PCCB: variants seen among roughly 807,000 people sequenced by gnomAD.
The protein encoded by PCCB is propionyl-CoA carboxylase beta chain, mitochondrial.
A neutral mutation model predicts 60.7 loss-of-function variants in PCCB; 43 were observed. The observed-to-expected ratio is 0.71, with a 90% CI of 0.55 to 0.91. The LOEUF is 0.91. PCCB is among the 40% of genes least tolerant of loss of function. The pLI is 0.00. For missense variants in PCCB, 766 were observed against 702.8 expected, an observed-to-expected ratio of 1.09 and a Z score of -1.02; for synonymous variants, 276 against 255.9, an observed-to-expected ratio of 1.08 and a Z score of -0.75.
chr3:136,291,110 C>G (rs1355512395), intron 6 of PCCB, among the ~76,000 whole-genome samples: 1 of 151,960 alleles, frequency 6.6e-6, no homozygotes, highest in Non-Finnish European at 1.5e-5. Context: ...TTGCTGTCTA[C>G]TCTATCCATG....
rs1040081982 is a variant in PCCB, at chr3:136,290,775, C to T, written c.655-2981C>T. On this transcript the variant is annotated intron_variant, in intron 6 of 14. Coordinates refer to ENST00000251654, the MANE Select transcript of PCCB (RefSeq NM_000532.5). ...TTGGGGAACTTTTCTGTCATTATTG[C>T]TTCCTATATTCTGTTCTTTTTTCTC... is the stretch of plus-strand genomic sequence containing the variant. Among the ~76,000 whole-genome samples, 5 of 140,972 alleles carry T rather than the reference C, an allele frequency of 3.5e-5. No homozygotes were observed. The Admixed American group carries it at 3.8e-4, about 11-fold the overall frequency. 92.5% of individuals were successfully genotyped at this position (140,972 alleles called of 152,430 possible). A position where few individuals can be genotyped will look rare whatever the true frequency, so the allele number is the denominator to read the frequency against.
chr3:136,277,949 CCT>C (rs986076356), intron 5 of PCCB, among the ~76,000 whole-genome samples: 6 of 152,136 alleles, frequency 3.9e-5, no homozygotes, highest in Non-Finnish European at 8.8e-5. Context: ...TCCCCCTGCC[CCT>C]GGGAGGTATG....
At chr3:136,324,221 C>T (rs1935214605) in intron 10 of PCCB, among the ~76,000 whole-genome samples, 1 of 152,128 alleles carries the variant, frequency 6.6e-6, no homozygotes, top group Non-Finnish European at 1.5e-5. Flanking sequence ...GTTAGGATTA[C>T]AGGTGTGAGC....
intron 6 of PCCB, among the ~76,000 whole-genome samples, chr3:136,291,133 C>G (rs1933670000): frequency 6.6e-6 from 1 of 151,960 alleles, no homozygotes; most frequent in African/African-American, 2.4e-5. Context: ...AGCCCTTAAA[C>G]CATTTTGTTT....
intron 5 of PCCB, among the ~76,000 whole-genome samples, chr3:136,265,732 C>T (rs1383343988): frequency 1.3e-5 from 2 of 152,092 alleles, no homozygotes; most frequent in South Asian, 2.1e-4. Context: ...AGATGGTTTT[C>T]CAAAACAACT....
chr3:136,309,173 GA>G (rs1164935029), intron 9 of PCCB, among the ~76,000 whole-genome samples: 2 of 149,918 alleles, frequency 1.3e-5, no homozygotes, highest in Non-Finnish European at 3.0e-5. Context: ...TGAGACAGGA[GA>G]ATCGCTTGAA....
intron 10 of PCCB, among the ~76,000 whole-genome samples, chr3:136,321,168 T>A (rs972304818): frequency 6.6e-6 from 1 of 152,196 alleles, no homozygotes; most frequent in East Asian, 1.9e-4. Flanking sequence ...TAAATCCCAC[T>A]GGATCACAGT....
At position 136,250,547 on chromosome 3, in the gene PCCB, CAGCACA is replaced by C; in HGVS notation, c.176_181del (p.His59_Lys60del). On this transcript the variant is annotated inframe_deletion, in exon 1 of 15. Transcript: ENST00000251654. ...AGGGGGCCAACGCCGTATTGACGCG[CAGCACA>C]AGCGAGTGAGTCCTGAGGGGCCTAA... is the stretch of plus-strand genomic sequence containing the variant. 1.2e-6 allele frequency: 2 copies of C among 1,612,244 alleles called. No individual in the cohort carries two copies. The highest frequency in any genetic ancestry group is 1.7e-6 in the Non-Finnish European group (2 of 1,179,592).
intron 13 of PCCB, 144 bp downstream of exon 13, chr3:136,327,876 T>G: frequency 1.4e-6 from 1 of 718,740 alleles, no homozygotes. Context: ...TAGACCTTGG[T>G]AAGTCTCCCT....
chr3:136,326,581 T>C (rs1473156798), intron 10 of PCCB, among the ~76,000 whole-genome samples: 2 of 152,222 alleles, frequency 1.3e-5, no homozygotes, highest in African/African-American at 2.4e-5. Flanking sequence ...AGTGAGTCTG[T>C]AGTAGTCTAG....
chr3:136,327,855 T>C (rs1935385450), intron 13 of PCCB, 123 bp downstream of exon 13: 1 of 774,836 alleles, frequency 1.3e-6, no homozygotes, highest in Non-Finnish European at 2.3e-6. Flanking sequence ...AGGACTGAGG[T>C]GAATGGGACC....
intron 7 of PCCB, among the ~76,000 whole-genome samples, chr3:136,296,892 G>C (rs1380878729): frequency 6.6e-6 from 1 of 152,232 alleles, no homozygotes; most frequent in Non-Finnish European, 1.5e-5. Context: ...TGTTTTAGGT[G>C]CTAGGAATAC....
intron 10 of PCCB, among the ~76,000 whole-genome samples, chr3:136,322,998 G>GT (rs35582341): frequency 5.4e-4 from 66 of 121,294 alleles, no homozygotes; most frequent in Non-Finnish European, 5.3e-4. Context: ...TAAATGATGA[G>GT]TTTTTTTTTT....
intron 9 of PCCB, among the ~76,000 whole-genome samples, chr3:136,307,991 A>G (rs1475186348): frequency 4.0e-5 from 6 of 151,762 alleles, no homozygotes; most frequent in Non-Finnish European, 8.8e-5. Flanking sequence ...AATAATAATA[A>G]TAATAATAAT....
chr3:136,294,222 G>C (rs1048793584), intron 7 of PCCB, among the ~76,000 whole-genome samples: 7 of 152,206 alleles, frequency 4.6e-5, no homozygotes, highest in Admixed American at 3.3e-4. Context: ...TCTAAGGTTG[G>C]TATATATCTT....
In PCCB at chr3:136,250,510, C is replaced by G. The variant is rs1576397628; in HGVS notation, c.135C>G (p.Thr45=). ...VNERIENKRR[T]ALLGGGQRRI... is the part of the protein sequence containing the mutation. ...AACGCATCGAAAACAAGCGCCGGAC[C>G]GCGCTGCTGGGAGGGGGCCAACGCC... Residue 45 remains threonine, a synonymous_variant, in exon 1 of 15, where the codon ACC becomes ACG. Transcript: ENST00000251654. 1 of 1,612,986 alleles carries G rather than the reference C, an allele frequency of 6.2e-7. No individual in the cohort carries two copies. Among genetic ancestry groups the G allele is most frequent in the South Asian group, 1.1e-5 (1 of 91,006 alleles).
At chr3:136,312,929 C>CA (rs1934725901) in intron 9 of PCCB, among the ~76,000 whole-genome samples, 1 of 152,012 alleles carries the variant, frequency 6.6e-6, no homozygotes, top group African/African-American at 2.4e-5. Context: ...GAAAAGTGGG[C>CA]AAAAAACCAC....
In PCCB at chr3:136,250,469, G is replaced by GCCAC; in HGVS notation, c.96_99dup (p.Ser34HisfsTer4). On this transcript the variant is annotated frameshift_variant, in exon 1 of 15. Coordinates refer to ENST00000251654, the MANE Select transcript of PCCB (RefSeq NM_000532.5). LOFTEE classifies it high-confidence loss of function. Reference sequence around the variant, plus strand: ...CGCGGTCCGCAGCCTTTGCAGCCAGGCCACCTCTGTTAACGAACGCATCGA... The same window carrying GCCAC: ...CGCGGTCCGCAGCCTTTGCAGCCAGGCCACCCACCTCTGTTAACGAACGCATCGA... 1 of 1,611,316 alleles carries GCCAC rather than the reference G, an allele frequency of 6.2e-7. No homozygotes were observed. The highest frequency in any genetic ancestry group is 8.5e-7 in the Non-Finnish European group (1 of 1,179,024).
intron 3 of PCCB, 22 bp downstream of exon 3, chr3:136,256,645 C>A: frequency 2.0e-6 from 3 of 1,537,126 alleles, no homozygotes; most frequent in Non-Finnish European, 2.7e-6. Context: ...CTCCAATAGT[C>A]TGAACTTTTC....
Sources: gnomAD v4.1 joint callset for allele counts (sites outside exome capture counted in the v4.1 genomes callset) on GRCh38, gnomAD v4.1.1 for gene constraint, MANE v1.5 for transcripts, NCBI Gene and HGNC (gene_info 2026-07-23, HGNC 2026-07-21) for gene names.